LAMB1: variants seen among roughly 807,000 people sequenced by gnomAD.
The protein encoded by LAMB1 is laminin subunit beta 1, also known as laminin subunit beta-1.
In LAMB1, 121 loss-of-function variants were observed where a neutral mutation model predicts 222.3. The ratio of observed to expected loss-of-function variants is 0.54; its 90% CI spans 0.47 to 0.63. LAMB1 has a LOEUF of 0.63. LAMB1 is among the 30% of genes least tolerant of loss of function. LAMB1 has a pLI of 0.00. For synonymous variants in LAMB1, 794 were observed against 807.2 expected, an observed-to-expected ratio of 0.98 and a Z score of 0.28; for missense variants, 2,172 against 2,240.8, an observed-to-expected ratio of 0.97 and a Z score of 0.62.
rs2033451956 is a variant in LAMB1 at position 107,959,605 on chromosome 7, A to AAGC, written c.2458+83_2458+85dup. On this transcript the variant is annotated intron_variant, in intron 19 of 33. Coordinates refer to ENST00000222399, the MANE Select transcript of LAMB1 (RefSeq NM_002291.3). ...GTTGGTGTGATCAACTTCAGGAGGGAAGCATCGGCTCTGCAGCAATGGAAC... is the reference window on the plus strand; with the variant it reads ...GTTGGTGTGATCAACTTCAGGAGGGAAGCAGCATCGGCTCTGCAGCAATGGAAC... 6 of 1,612,628 alleles carry AAGC rather than the reference A, an allele frequency of 3.7e-6. No individual in the cohort carries two copies. The Admixed American group carries it at 8.4e-5, about 22-fold the overall frequency.
Position 107,953,741 on chromosome 7 carries a change from G to A in LAMB1, c.2868C>T (p.Asp956=), listed in dbSNP as rs773608503. 1.5e-5 allele frequency: 25 copies of A among 1,613,950 alleles called. No individual in the cohort carries two copies. Among genetic ancestry groups the A allele is most frequent in the African/African-American group, 2.7e-5 (2 of 74,910 alleles). ...TGCCAAAGTATCCTGAGGCACAGTC[G>A]TCACATCTGGAACCTGTCACCCGAT... ...CDPGYIGSRC[D]DCASGYFGNP... The change falls in exon 22 of 34, where the codon GAC becomes GAT. Residue 956 remains aspartate (D), a synonymous_variant. Transcript: ENST00000222399.
At chr7:107,974,078 G>A (rs1345604862) in intron 12 of LAMB1, among the ~76,000 whole-genome samples, 1 of 151,960 alleles carries the variant, frequency 6.6e-6, no homozygotes, top group Non-Finnish European at 1.5e-5. Context: ...CACCTGACCA[G>A]GCTCATCAAT....
At chr7:107,949,350 G>T (rs2033192617) in intron 24 of LAMB1, among the ~76,000 whole-genome samples, 1 of 152,250 alleles carries the variant, frequency 6.6e-6, no homozygotes, top group Non-Finnish European at 1.5e-5. Flanking sequence ...CCAAAGGTCA[G>T]AAAGCTTTGG....
intron 8 of LAMB1, among the ~76,000 whole-genome samples, chr7:107,978,666 T>TA (rs1475606995): frequency 2.0e-5 from 3 of 152,162 alleles, no homozygotes; most frequent in Non-Finnish European, 4.4e-5. Flanking sequence ...ACTTCAGGCA[T>TA]AGCACTTAAA....
intron 31 of LAMB1, among the ~76,000 whole-genome samples, chr7:107,928,849 G>A (rs777777002): frequency 6.6e-6 from 1 of 151,378 alleles, no homozygotes; most frequent in African/African-American, 2.5e-5. Flanking sequence ...GAGATGGGAC[G>A]TAATGGTCCA....
chr7:107,951,067 G>A (rs754986589), intron 24 of LAMB1, 159 bp downstream of exon 24: 3 of 604,388 alleles, frequency 5.0e-6, no homozygotes, highest in East Asian at 2.9e-5. Context: ...TTGTTAGATT[G>A]TTTTTTAAAC....
At position 107,964,796 on chromosome 7, in the gene LAMB1, C is replaced by T. The variant is rs966801138; in HGVS notation, c.1563-109G>A. On this transcript the variant is annotated intron_variant, in intron 13 of 33. Coordinates refer to ENST00000222399, the MANE Select transcript of LAMB1 (RefSeq NM_002291.3). ...TCAGTACACAGGACCAAATACATAGCATGTTCTTGTTTTCTTCAGAAAATA... is the reference window on the plus strand; with the variant it reads ...TCAGTACACAGGACCAAATACATAGTATGTTCTTGTTTTCTTCAGAAAATA... 17 of 1,198,342 alleles carry T rather than the reference C, an allele frequency of 1.4e-5. No homozygotes were observed. In the Admixed American group the frequency reaches 1.7e-4, roughly 12 times the overall value. 74.2% of individuals were successfully genotyped at this position (1,198,342 alleles called of 1,614,324 possible).
intron 4 of LAMB1, among the ~76,000 whole-genome samples, chr7:107,995,653 G>C (rs559093659): frequency 6.6e-6 from 1 of 152,194 alleles, no homozygotes; most frequent in South Asian, 2.1e-4. Context: ...TTGCCCTGAG[G>C]GTCAGTCAGT....
Position 107,932,199 on chromosome 7 carries a change from G to C in LAMB1, c.4367C>G (p.Ala1456Gly), listed in dbSNP as rs755030806. The change falls in exon 28 of 34, where the codon GCT (alanine) becomes GGT (glycine). Residue 1456 changes from alanine (A) to glycine (G), a missense_variant. Transcript: ENST00000222399. ...DLDQDVLSAL[A>G]EVEQLSKMVS... ...CATCTTGGAGAGCTGTTCCACTTCA[G>C]CCAGGGCACTCAGGACATCTTGGTC... 3.1e-6 allele frequency: 5 copies of C among 1,614,082 alleles called. No homozygotes were observed. The Admixed American group carries it at 6.7e-5, about 22-fold the overall frequency.
Position 107,973,157 on chromosome 7 carries a change from G to A in LAMB1, c.1483-86C>T, listed in dbSNP as rs1044061452. On this transcript the variant is annotated intron_variant, in intron 12 of 33. Transcript: ENST00000222399. Reference sequence around the variant, plus strand: ...CAACAAGCAAGTTAAAGCTTGTTTCGGCTGTTCCACCAAATGCTCATTTTC... The same window carrying A: ...CAACAAGCAAGTTAAAGCTTGTTTCAGCTGTTCCACCAAATGCTCATTTTC... 125 of 1,089,822 alleles carry A rather than the reference G, an allele frequency of 1.1e-4. 1 individual carries two copies. The highest frequency in any genetic ancestry group is 1.4e-4 in the Non-Finnish European group (98 of 705,874). 67.5% of individuals were successfully genotyped at this position (1,089,822 alleles called of 1,614,324 possible).
chr7:107,979,323 G>A (rs948672535), intron 8 of LAMB1, among the ~76,000 whole-genome samples: 1 of 152,164 alleles, frequency 6.6e-6, no homozygotes, highest in Non-Finnish European at 1.5e-5. Context: ...TTTTTAAAGG[G>A]CTGAATACAC....
intron 25 of LAMB1, among the ~76,000 whole-genome samples, chr7:107,939,025 C>T (rs1485740498): frequency 1.3e-5 from 2 of 152,158 alleles, no homozygotes; most frequent in Admixed American, 1.3e-4. Flanking sequence ...AAAAATGTTA[C>T]TGTCATTTCG....
Position 108,001,847 on chromosome 7 carries a change from AAG to A in LAMB1, c.38-116_38-115del. On this transcript the variant is annotated intron_variant, in intron 2 of 33. Coordinates refer to ENST00000222399, the MANE Select transcript of LAMB1 (RefSeq NM_002291.3). ...TGCGGAGAGAGGACAGTCCATTCGG[AAG>A]AAAGCAAAATGCACAGAAAAGACAA... 8 of 1,514,238 alleles carry A rather than the reference AAG, an allele frequency of 5.3e-6. No individual in the cohort carries two copies. The African/African-American group carries it at 1.1e-4, about 21-fold the overall frequency. 93.8% of individuals were successfully genotyped at this position (1,514,238 alleles called of 1,614,324 possible). A position where few individuals can be genotyped will look rare whatever the true frequency, so the allele number is the denominator to read the frequency against.
chr7:107,923,945 C>A lies in LAMB1; in HGVS notation c.*6G>T. 6.2e-7 allele frequency: 1 copy of A among 1,602,234 alleles called. No homozygotes were observed. The highest frequency in any genetic ancestry group is 1.8e-5 in the Admixed American group (1 of 56,780). The stretch of plus-strand genomic sequence containing the variant: ...GTTCACCTCAGCCATTTTTTATTCT[C>A]CTCTGTTACAAGCATGTGCTATACA... On this transcript the variant is annotated 3_prime_UTR_variant, in exon 34 of 34. Transcript: ENST00000222399.
chr7:107,953,052 G>T (rs1256406455), intron 22 of LAMB1, among the ~76,000 whole-genome samples: 1 of 152,072 alleles, frequency 6.6e-6, no homozygotes, highest in Non-Finnish European at 1.5e-5. Flanking sequence ...AGAAAATGTG[G>T]ATGTAAAGAA....
At chr7:107,937,760 G>A (rs979286154) in intron 25 of LAMB1, among the ~76,000 whole-genome samples, 4 of 152,156 alleles carry the variant, frequency 2.6e-5, no homozygotes, top group African/African-American at 9.7e-5. Flanking sequence ...CTGCCACAAA[G>A]ACAACAGGAG....
At chr7:107,956,811 G>T (rs140258505) in intron 20 of LAMB1, among the ~76,000 whole-genome samples, 2 of 152,152 alleles carry the variant, frequency 1.3e-5, no homozygotes, top group Non-Finnish European at 2.9e-5. Flanking sequence ...AACTCAGGCA[G>T]GGATGGGTCA....
chr7:107,933,249 A>G (rs2032755385), intron 27 of LAMB1, among the ~76,000 whole-genome samples: 1 of 152,212 alleles, frequency 6.6e-6, no homozygotes, highest in Non-Finnish European at 1.5e-5. Context: ...GTTTGTGGAA[A>G]TTCTCATACT....
At chr7:107,971,194 A>G (rs559829888) in intron 13 of LAMB1, among the ~76,000 whole-genome samples, 1 of 152,328 alleles carries the variant, frequency 6.6e-6, no homozygotes, top group East Asian at 1.9e-4. Flanking sequence ...TCCCTCAACA[A>G]AGTAACTAAG....
Sources: gnomAD v4.1 joint callset for allele counts (sites outside exome capture counted in the v4.1 genomes callset) on GRCh38, gnomAD v4.1.1 for gene constraint, MANE v1.5 for transcripts, NCBI Gene and HGNC (gene_info 2026-07-23, HGNC 2026-07-21) for gene names.